The following PRKD1 variants were observed in gnomAD, a reference collection of about 807,000 sequenced individuals.
PRKD1 encodes protein kinase D1, also known as serine/threonine-protein kinase D1.
In PRKD1, 63 loss-of-function variants were observed where a neutral mutation model predicts 95.9. That is an observed-to-expected ratio of 0.66 (90% confidence interval 0.54 to 0.81). The LOEUF (loss-of-function observed/expected upper bound fraction) is 0.81, where lower values mean the gene tolerates loss of function less well. Among genes scored for constraint, PRKD1 ranks in the 30% least tolerant of loss-of-function variants. The probability of loss-of-function intolerance (pLI) is 0.00; values close to 1 mark genes in which losing one functional copy is unlikely to be tolerated. For missense variants in PRKD1, 1,048 were observed against 1,165.3 expected (o/e 0.90, Z 1.47); for synonymous variants, 425 against 423.1 (o/e 1.00, Z -0.05).
intron 2 of PRKD1, among the ~76,000 whole-genome samples, chr14:29,701,847 T>C (rs1372088088): frequency 6.6e-6 from 1 of 152,192 alleles, no homozygotes; most frequent in African/African-American, 2.4e-5. Context: ...TAGCATAATA[T>C]GATCTGAGGC....
rs1895348408 is a variant in PRKD1, at chr14:29,927,434, G to GTGCGGCGGC, written c.70_78dup (p.Ala24_Ala26dup). 1 of 1,368,300 alleles carries GTGCGGCGGC rather than the reference G, an allele frequency of 7.3e-7. No homozygotes were observed. The highest frequency in any genetic ancestry group is 9.4e-7 in the Non-Finnish European group (1 of 1,061,884). The allele number at this position is 1,368,300 out of a possible 1,614,324, so 84.8% of individuals were successfully genotyped here. A position where few individuals can be genotyped will look rare whatever the true frequency, so the allele number is the denominator to read the frequency against. On this transcript the variant is annotated inframe_insertion, in exon 1 of 18. Transcript: ENST00000331968. ...GGCCCGGGCCCGGACCCTGGGACCA[G>GTGCGGCGGC]TGCGGCGGCCGCTGCGGCAGCTGCC...
chr14:29,868,960 C>CA (rs911182170), intron 1 of PRKD1, among the ~76,000 whole-genome samples: 16 of 151,816 alleles, frequency 1.1e-4, no homozygotes, highest in Non-Finnish European at 2.4e-4. Context: ...GAAATAATAG[C>CA]AAAAAAAGAA....
rs747191735 is a variant in PRKD1, at chr14:29,817,064, T to G, written c.265-91390A>C. ...TATATACTTTACTTTTTATGTTGGC[T>G]TCAGCATTTTTGCAAGGTTGAGGAC... On this transcript the variant is annotated intron_variant, in intron 1 of 17. Transcript: ENST00000331968. Among the ~76,000 whole-genome samples, 58 of 152,224 alleles carry G rather than the reference T, an allele frequency of 3.8e-4. 1 individual carries two copies. Among genetic ancestry groups the G allele is most frequent in the African/African-American group, 2.7e-4 (11 of 41,460 alleles).
At chr14:29,821,377 T>A (rs17096081) in intron 1 of PRKD1, among the ~76,000 whole-genome samples, 6,436 of 152,246 alleles carry the variant, frequency 0.042, 308 homozygotes, top group East Asian at 0.25. Flanking sequence ...AGGTACTCAG[T>A]GACCATGGTT....
intron 4 of PRKD1, among the ~76,000 whole-genome samples, chr14:29,647,180 T>C (rs1303757227): frequency 6.6e-6 from 1 of 152,182 alleles, no homozygotes; most frequent in Admixed American, 6.5e-5. Flanking sequence ...TGTGAAAGCT[T>C]TCAAAGTAAT....
At chr14:29,601,946 G>C (rs549200417) in intron 13 of PRKD1, among the ~76,000 whole-genome samples, 1 of 152,156 alleles carries the variant, frequency 6.6e-6, no homozygotes. Context: ...ACATGAGTTC[G>C]GCTAGAGTTC....
intron 13 of PRKD1, among the ~76,000 whole-genome samples, chr14:29,604,549 G>A (rs1480994549): frequency 6.6e-6 from 1 of 152,152 alleles, no homozygotes; most frequent in Non-Finnish European, 1.5e-5. Flanking sequence ...AATGGAATGG[G>A]TGGGGGGCAT....
chr14:29,723,367 G>A (rs557221860), intron 2 of PRKD1, among the ~76,000 whole-genome samples: 12 of 152,014 alleles, frequency 7.9e-5, no homozygotes, highest in Non-Finnish European at 1.8e-4. Flanking sequence ...TTGGAAATGG[G>A]GCATCACCTT....
intron 4 of PRKD1, among the ~76,000 whole-genome samples, chr14:29,661,453 A>G (rs1882184902): frequency 6.6e-6 from 1 of 152,200 alleles, no homozygotes; most frequent in Non-Finnish European, 1.5e-5. Context: ...TACTGGGTTG[A>G]AAAGGGATAT....
At chr14:29,704,806 T>A (rs1417716943) in intron 2 of PRKD1, among the ~76,000 whole-genome samples, 1 of 152,144 alleles carries the variant, frequency 6.6e-6, no homozygotes, top group Non-Finnish European at 1.5e-5. Context: ...TTTGTGTAGA[T>A]GGCATAATTA....
chr14:29,592,079 G>A (rs1594344424), intron 16 of PRKD1, among the ~76,000 whole-genome samples: 1 of 151,994 alleles, frequency 6.6e-6, no homozygotes, highest in Admixed American at 6.6e-5. Flanking sequence ...GAACCGAGAA[G>A]GGTAACAGAA....
At chr14:29,859,974 T>C (rs922190285) in intron 1 of PRKD1, among the ~76,000 whole-genome samples, 4 of 152,224 alleles carry the variant, frequency 2.6e-5, no homozygotes, top group Non-Finnish European at 5.9e-5. Flanking sequence ...TGGAACCAAA[T>C]ACATTAAAGT....
chr14:29,750,293 C>T (rs2185014), intron 1 of PRKD1, among the ~76,000 whole-genome samples: 118,549 of 152,130 alleles, frequency 0.78, 47,468 homozygotes, highest in East Asian at 1. Flanking sequence ...TGCAACTTTA[C>T]GTAAAATAAT....
intron 1 of PRKD1, among the ~76,000 whole-genome samples, chr14:29,908,299 G>A (rs1460041645): frequency 6.6e-6 from 1 of 152,130 alleles, no homozygotes; most frequent in Non-Finnish European, 1.5e-5. Context: ...TATTACATCA[G>A]TAATCTTTTT....
At chr14:29,662,588 A>G (rs1882244528) in intron 4 of PRKD1, among the ~76,000 whole-genome samples, 1 of 152,136 alleles carries the variant, frequency 6.6e-6, no homozygotes, top group African/African-American at 2.4e-5. Flanking sequence ...ATAAAAGAGT[A>G]TGGGATTTTC....
chr14:29,628,323 G>A (rs1254331245), intron 11 of PRKD1, among the ~76,000 whole-genome samples: 1 of 152,196 alleles, frequency 6.6e-6, no homozygotes, highest in Admixed American at 6.5e-5. Context: ...TTTGGCCATA[G>A]ATACAGCAGG....
chr14:29,911,825 C>T (rs1005112187), intron 1 of PRKD1, among the ~76,000 whole-genome samples: 7 of 152,220 alleles, frequency 4.6e-5, no homozygotes, highest in Non-Finnish European at 1.5e-5. Flanking sequence ...GTGGTTCCTT[C>T]TGGAAGGAAG....
intron 16 of PRKD1, among the ~76,000 whole-genome samples, chr14:29,595,542 T>G (rs1469213052): frequency 6.6e-6 from 1 of 152,200 alleles, no homozygotes; most frequent in Non-Finnish European, 1.5e-5. Context: ...TCCCAACAAG[T>G]GTTTCCTGAG....
At chr14:29,602,187 C>G (rs1893544993) in intron 13 of PRKD1, among the ~76,000 whole-genome samples, 1 of 152,050 alleles carries the variant, frequency 6.6e-6, no homozygotes, top group South Asian at 2.1e-4. Context: ...TAGGTGTCCT[C>G]TGTGTGTAGG....
Sources: allele counts gnomAD v4.1 joint callset (sites outside exome capture counted in the v4.1 genomes callset), GRCh38; gene constraint gnomAD v4.1.1; transcripts MANE v1.5; gene names NCBI Gene and HGNC (gene_info 2026-07-23, HGNC 2026-07-21).